Variants in SYN2 observed in about 807,000 individuals in gnomAD.
SYN2 encodes synapsin II.
Under a neutral mutation model 50.9 loss-of-function variants are expected in SYN2, and 19 were observed. The observed-to-expected ratio is 0.37, with a 90% CI of 0.26 to 0.55. SYN2 has a LOEUF of 0.55. Among genes scored for constraint, SYN2 ranks in the 20% least tolerant of loss-of-function variants. SYN2 has a pLI of 0.81. For missense variants in SYN2, 587 were observed against 576.4 expected, an observed-to-expected ratio of 1.02 and a Z score of -0.19; for synonymous variants, 255 against 224.9, an observed-to-expected ratio of 1.13 and a Z score of -1.20.
intron 1 of SYN2, among the ~76,000 whole-genome samples, chr3:12,102,733 G>A (rs565372512): frequency 3.3e-4 from 50 of 152,216 alleles, no homozygotes; most frequent in African/African-American, 1.1e-3. Context: ...ATGACTGAGA[G>A]TTGTTTTCTT....
intron 1 of SYN2, among the ~76,000 whole-genome samples, chr3:12,028,593 T>C (rs530378640): frequency 1.7e-3 from 254 of 146,148 alleles, no homozygotes; most frequent in South Asian, 7.9e-3. Flanking sequence ...TGATATCTCA[T>C]AGTGGTTTTG....
chr3:12,058,452 A>G (rs1441219801), intron 1 of SYN2, among the ~76,000 whole-genome samples: 1 of 152,202 alleles, frequency 6.6e-6, no homozygotes, highest in Middle Eastern at 3.2e-3. Flanking sequence ...GACAACAGTA[A>G]TTTACTTCTT....
chr3:12,119,225 A>G (rs1435898952), intron 1 of SYN2, among the ~76,000 whole-genome samples: 3 of 150,652 alleles, frequency 2.0e-5, no homozygotes, highest in African/African-American at 4.9e-5. Flanking sequence ...GGTTAGGTTA[A>G]AAAAAAAACA....
chr3:12,190,862 T>C lies in SYN2; in HGVS notation c.*237T>C. ...CAGAGAGGAAAGAGCTGCTTCCCTG[T>C]AGTCATGAGAGCTTCCTTCTGAAGT... On this transcript the variant is annotated 3_prime_UTR_variant, in exon 13 of 13. Coordinates refer to ENST00000621198, the MANE Select transcript of SYN2 (RefSeq NM_133625.6). 1 of 1,286,826 alleles carries C rather than the reference T, an allele frequency of 7.8e-7. No individual in the cohort carries two copies. Among genetic ancestry groups the C allele is most frequent in the Non-Finnish European group, 9.8e-7 (1 of 1,019,590 alleles). 79.7% of individuals were successfully genotyped at this position (1,286,826 alleles called of 1,614,324 possible).
chr3:12,145,257 C>T (rs975218544), intron 3 of SYN2, among the ~76,000 whole-genome samples: 2 of 152,082 alleles, frequency 1.3e-5, no homozygotes, highest in African/African-American at 4.8e-5. Flanking sequence ...AAAAAATTAG[C>T]CAGGGGTCAT....
intron 10 of SYN2, among the ~76,000 whole-genome samples, chr3:12,174,723 G>A (rs1034461818): frequency 2.6e-5 from 4 of 152,186 alleles, no homozygotes; most frequent in East Asian, 1.9e-4. Context: ...CTCATGATCC[G>A]CCCACCTTGG....
chr3:12,175,946 G>A (rs1279151702), intron 10 of SYN2, among the ~76,000 whole-genome samples: 2 of 152,234 alleles, frequency 1.3e-5, no homozygotes, highest in Non-Finnish European at 2.9e-5. Context: ...CAGACTGCCA[G>A]CTTGCGGGCT....
chr3:12,105,328 C>CT (rs1696162775), intron 1 of SYN2, among the ~76,000 whole-genome samples: 1 of 152,004 alleles, frequency 6.6e-6, no homozygotes. Flanking sequence ...ATATCTTACC[C>CT]TTACATGGCG....
intron 2 of SYN2, among the ~76,000 whole-genome samples, chr3:12,140,999 G>A (rs1489285157): frequency 6.6e-6 from 1 of 152,072 alleles, no homozygotes; most frequent in Non-Finnish European, 1.5e-5. Context: ...CCCAGACTGA[G>A]GAAAACTTTA....
intron 1 of SYN2, among the ~76,000 whole-genome samples, chr3:12,005,882 A>G (rs1045403101): frequency 6.6e-6 from 1 of 151,840 alleles, no homozygotes; most frequent in Admixed American, 6.6e-5. Context: ...GCTCTATTTT[A>G]TAGTTAACCT....
chr3:12,082,776 T>A (rs1282811930), intron 1 of SYN2, among the ~76,000 whole-genome samples: 2 of 152,178 alleles, frequency 1.3e-5, no homozygotes, highest in African/African-American at 4.8e-5. Context: ...TACAGGAGAA[T>A]GGCTTTGAGT....
intron 1 of SYN2, among the ~76,000 whole-genome samples, chr3:12,126,724 G>A (rs2125206309): frequency 6.6e-6 from 1 of 152,244 alleles, no homozygotes; most frequent in Admixed American, 6.5e-5. Flanking sequence ...GTAAATTTGG[G>A]AGATAATGCT....
At chr3:12,102,203 G>A (rs1258382140) in intron 1 of SYN2, among the ~76,000 whole-genome samples, 2 of 152,088 alleles carry the variant, frequency 1.3e-5, no homozygotes, top group East Asian at 3.8e-4. Flanking sequence ...TGATGGTTTT[G>A]TTTTAGAAAT....
rs1175780739 is a variant in SYN2 at position 12,153,806 on chromosome 3, T to A, written c.774+2480T>A. 2.2e-6 allele frequency: 3 copies of A among 1,341,794 alleles called. No homozygotes were observed. The African/African-American group carries it at 4.3e-5, about 19-fold the overall frequency. The allele number at this position is 1,341,794 out of a possible 1,614,324, so 83.1% of individuals were successfully genotyped here. ...TTCCTACGTACCTTTCCAGCCCATC[T>A]CAAATGCCCCCTATCTTATCAAGCC... On this transcript the variant is annotated intron_variant, in intron 5 of 12. Coordinates refer to ENST00000621198, the MANE Select transcript of SYN2 (RefSeq NM_133625.6).
intron 5 of SYN2, chr3:12,153,423 A>G: frequency 7.1e-7 from 1 of 1,416,432 alleles, no homozygotes; most frequent in South Asian, 1.2e-5. Flanking sequence ...TGGCAGCAAG[A>G]GGTCAGGTGG....
At chr3:12,016,779 T>G (rs567578814) in intron 1 of SYN2, among the ~76,000 whole-genome samples, 1 of 152,036 alleles carries the variant, frequency 6.6e-6, no homozygotes, top group African/African-American at 2.4e-5. Flanking sequence ...TTGCTTGAAC[T>G]TGGAAGGTGG....
At chr3:12,023,316 T>C (rs1300597338) in intron 1 of SYN2, among the ~76,000 whole-genome samples, 5 of 152,206 alleles carry the variant, frequency 3.3e-5, no homozygotes, top group Non-Finnish European at 7.3e-5. Context: ...TTTTAGCTAA[T>C]CTTTATCATT....
intron 1 of SYN2, among the ~76,000 whole-genome samples, chr3:12,017,969 T>G (rs1177612184): frequency 1.3e-5 from 2 of 152,240 alleles, no homozygotes; most frequent in Non-Finnish European, 2.9e-5. Flanking sequence ...AACTTCATAC[T>G]TTGAGCACTA....
chr3:12,088,789 A>G (rs906930575), intron 1 of SYN2, among the ~76,000 whole-genome samples: 3 of 152,214 alleles, frequency 2.0e-5, no homozygotes, highest in African/African-American at 7.2e-5. Context: ...AGCCAGACTC[A>G]TGGAAAACAA....
Sources: gnomAD v4.1 joint callset for allele counts (sites outside exome capture counted in the v4.1 genomes callset) on GRCh38, gnomAD v4.1.1 for gene constraint, MANE v1.5 for transcripts, NCBI Gene and HGNC (gene_info 2026-07-23, HGNC 2026-07-21) for gene names.